BCAS3: variants seen among roughly 807,000 people sequenced by gnomAD.
BCAS3 encodes BCAS4/BCAS3 fusion.
In BCAS3, 53 loss-of-function variants were observed where a neutral mutation model predicts 116.1. The observed-to-expected ratio is 0.46, with a 90% CI of 0.37 to 0.57. The LOEUF (loss-of-function observed/expected upper bound fraction) is 0.57, where lower values mean the gene tolerates loss of function less well. BCAS3 is among the 20% of genes least tolerant of loss of function. The probability of loss-of-function intolerance (pLI) is 0.00; values close to 1 mark genes in which losing one functional copy is unlikely to be tolerated. For missense variants in BCAS3, 917 were observed against 1,165.4 expected, an observed-to-expected ratio of 0.79 and a Z score of 3.10; for synonymous variants, 391 against 408.2, an observed-to-expected ratio of 0.96 and a Z score of 0.51.
At position 61,249,705 on chromosome 17, in the gene BCAS3, A is replaced by C. The variant is rs1421819481; in HGVS notation, c.2426-118622A>C. Among the ~76,000 whole-genome samples, 3 of 151,866 alleles carry C rather than the reference A, an allele frequency of 2.0e-5. No individual in the cohort carries two copies. Among genetic ancestry groups the C allele is most frequent in the Non-Finnish European group, 4.4e-5 (3 of 68,026 alleles). On this transcript the variant is annotated intron_variant, in intron 22 of 23. Transcript: ENST00000407086. The surrounding 1 kb of genome is among the most constrained non-coding windows in gnomAD (Gnocchi z 6.2). ...AGAATTATTTAGAAATACTTGTGAA[A>C]TCATGGTCACAGGAGTTATTTCCAA... is the stretch of plus-strand genomic sequence containing the variant.
intron 14 of BCAS3, among the ~76,000 whole-genome samples, chr17:60,958,974 G>A: frequency 6.6e-6 from 1 of 152,124 alleles, no homozygotes. Flanking sequence ...AGTTATTAGA[G>A]CACCAAAAGA....
chr17:60,797,776 ACGT>A (rs1284968307), intron 6 of BCAS3, among the ~76,000 whole-genome samples: 1 of 152,150 alleles, frequency 6.6e-6, no homozygotes, highest in East Asian at 1.9e-4. Context: ...CAGTGAGAAC[ACGT>A]GGTGTTTTAA....
At position 61,032,026 on chromosome 17, in the gene BCAS3, C is replaced by T. The variant is rs141593471; in HGVS notation, c.1638-2640C>T. On this transcript the variant is annotated intron_variant, in intron 16 of 23. Coordinates refer to ENST00000407086, the MANE Select transcript of BCAS3 (RefSeq NM_017679.5). This position sits in a 1 kb window ranked among gnomAD's most constrained non-coding sequence, Gnocchi z 4.6. ...TGACATGAGCTGATTAGACTCTAAA[C>T]TAGTAAACATACAAAAAATATTTTT... Among the ~76,000 whole-genome samples the T allele has an allele frequency of 8.7e-4, 132 of 152,126 alleles. No homozygotes were observed. The Middle Eastern group carries it at 0.01, about 12-fold the overall frequency.
rs898782246 is a variant in BCAS3, at chr17:61,279,305, C to CT, written c.2426-89011dup. Among the ~76,000 whole-genome samples the CT allele has an allele frequency of 1.2e-3, 171 of 147,026 alleles. No individual in the cohort carries two copies. The highest frequency in any genetic ancestry group is 2.1e-3 in the Admixed American group (31 of 14,660). Reference sequence around the variant, plus strand: ...TTAGGTGAATTATATCTCAATAAATCTTTTTTTTTTTAAGGCAGCCTAGGT... The same window carrying CT: ...TTAGGTGAATTATATCTCAATAAATCTTTTTTTTTTTTAAGGCAGCCTAGGT... On this transcript the variant is annotated intron_variant, in intron 22 of 23. Transcript: ENST00000407086. The surrounding 1 kb of genome is among the most constrained non-coding windows in gnomAD (Gnocchi z 4.4).
chr17:60,961,890 G>A lies in BCAS3; in HGVS notation c.1221+14538G>A, dbSNP rs983746013. ...CTCATCATGCTTATGAACTACAAAA[G>A]GATCAAAGATCCACTTTTGTAGTTC... On this transcript the variant is annotated intron_variant, in intron 14 of 23. Coordinates refer to ENST00000407086, the MANE Select transcript of BCAS3 (RefSeq NM_017679.5). The surrounding 1 kb of genome is among the most constrained non-coding windows in gnomAD (Gnocchi z 4.8). Among the ~76,000 whole-genome samples the A allele has an allele frequency of 1.3e-5, 2 of 151,794 alleles. No individual in the cohort carries two copies. The highest frequency in any genetic ancestry group is 4.8e-5 in the African/African-American group (2 of 41,306).
chr17:61,109,176 C>T (rs1157829583), intron 22 of BCAS3, among the ~76,000 whole-genome samples: 2 of 138,456 alleles, frequency 1.4e-5, no homozygotes, highest in Non-Finnish European at 3.1e-5. Context: ...CAGGGTGAGA[C>T]TTTGTCTCAA....
At chr17:60,804,999 G>T in intron 6 of BCAS3, among the ~76,000 whole-genome samples, 2 of 149,438 alleles carry the variant, frequency 1.3e-5, no homozygotes, top group African/African-American at 2.5e-5. Flanking sequence ...GCACTACCTT[G>T]CACTTTTACT....
intron 9 of BCAS3, among the ~76,000 whole-genome samples, chr17:60,885,813 T>C (rs1465655790): frequency 0.047 from 6,291 of 134,202 alleles, 596 homozygotes; most frequent in African/African-American, 0.21. Context: ...CCGAGAGATC[T>C]GCTGTTAGTC....
chr17:60,917,932 G>A (rs1295056471), intron 12 of BCAS3, among the ~76,000 whole-genome samples: 2 of 152,122 alleles, frequency 1.3e-5, no homozygotes, highest in Non-Finnish European at 2.9e-5. Context: ...GTGAACATTG[G>A]TGTACACATT....
chr17:61,209,209 TA>T (rs2081319417), intron 22 of BCAS3, among the ~76,000 whole-genome samples: 1 of 151,272 alleles, frequency 6.6e-6, no homozygotes, highest in Admixed American at 6.6e-5. Context: ...CTTGTTCTGA[TA>T]ACGTCTTTTC....
chr17:60,993,882 AT>A lies in BCAS3; in HGVS notation c.1486+3654del, dbSNP rs1395951961. 6.6e-6 allele frequency among the ~76,000 whole-genome samples: 1 copy of A among 152,046 alleles called. No individual in the cohort carries two copies. The highest frequency in any genetic ancestry group is 6.6e-5 in the Admixed American group (1 of 15,252). ...TTAGGATTATTTTATCTATTTGCCA[AT>A]TTTTTTAACTTTCCAGAGGATGTTT... On this transcript the variant is annotated intron_variant, in intron 15 of 23. Coordinates refer to ENST00000407086, the MANE Select transcript of BCAS3 (RefSeq NM_017679.5). The surrounding 1 kb of genome is among the most constrained non-coding windows in gnomAD (Gnocchi z 4.2).
chr17:61,168,214 C>G (rs1368243137), intron 22 of BCAS3, among the ~76,000 whole-genome samples: 1 of 151,990 alleles, frequency 6.6e-6, no homozygotes, highest in East Asian at 1.9e-4. Context: ...TTTTTTCTAC[C>G]CTTCCACAAT....
At position 61,256,542 on chromosome 17, in the gene BCAS3, G is replaced by T. The variant is rs972760883; in HGVS notation, c.2426-111785G>T. Among the ~76,000 whole-genome samples, 8 of 152,144 alleles carry T rather than the reference G, an allele frequency of 5.3e-5. No individual in the cohort carries two copies. The highest frequency in any genetic ancestry group is 1.9e-4 in the African/African-American group (8 of 41,438). ...CGGTCTCAAACTCCTGGCCTCAAGT[G>T]ATCCACCCACCTGGGCCTCCCAAAG... is the stretch of plus-strand genomic sequence containing the variant. On this transcript the variant is annotated intron_variant, in intron 22 of 23. Transcript: ENST00000407086. The surrounding 1 kb of genome is among the most constrained non-coding windows in gnomAD (Gnocchi z 5.6).
intron 22 of BCAS3, among the ~76,000 whole-genome samples, chr17:61,252,831 C>G (rs1270400563): frequency 6.6e-6 from 1 of 151,532 alleles, no homozygotes; most frequent in Non-Finnish European, 1.5e-5. Flanking sequence ...GCTGCCCTTT[C>G]TTCCTTGGAT....
In BCAS3 at chr17:61,323,250, C is replaced by T. The variant is rs745720053; in HGVS notation, c.2426-45077C>T. ...CTTTTGTCTAGAGCCCAAACTTCCC[C>T]AGGGGGAAGGACTCATTTATAACCC... On this transcript the variant is annotated intron_variant, in intron 22 of 23. Transcript: ENST00000407086. The surrounding 1 kb of genome is among the most constrained non-coding windows in gnomAD (Gnocchi z 4.6). 2.6e-5 allele frequency among the ~76,000 whole-genome samples: 4 copies of T among 152,110 alleles called. No homozygotes were observed. The highest frequency in any genetic ancestry group is 4.4e-5 in the Non-Finnish European group (3 of 67,998).
At chr17:61,070,589 A>G (rs1010680203) in intron 19 of BCAS3, among the ~76,000 whole-genome samples, 10 of 151,746 alleles carry the variant, frequency 6.6e-5, no homozygotes, top group African/African-American at 2.2e-4. Context: ...AGTACAAACT[A>G]AGAAAATATA....
intron 8 of BCAS3, among the ~76,000 whole-genome samples, 197 bp downstream of exon 8, chr17:60,868,880 G>A (rs957928593): frequency 6.6e-6 from 1 of 152,012 alleles, no homozygotes; most frequent in Non-Finnish European, 1.5e-5. Flanking sequence ...GATCCATTAG[G>A]GAATTGTGAA....
chr17:61,252,146 G>A (rs1429237322), intron 22 of BCAS3, among the ~76,000 whole-genome samples: 4 of 152,144 alleles, frequency 2.6e-5, no homozygotes, highest in African/African-American at 9.7e-5. Flanking sequence ...CAACATAGAG[G>A]GCAGATTACA....
chr17:60,958,298 A>T (rs1325217183), intron 14 of BCAS3, among the ~76,000 whole-genome samples: 2 of 152,256 alleles, frequency 1.3e-5, no homozygotes, highest in Non-Finnish European at 2.9e-5. Flanking sequence ...GAGTAAAACT[A>T]TCTTTTATTC....
Sources: allele counts gnomAD v4.1 joint callset (sites outside exome capture counted in the v4.1 genomes callset), GRCh38; gene constraint gnomAD v4.1.1; non-coding constraint Gnocchi (gnomAD v3.1); transcripts MANE v1.5; gene names NCBI Gene and HGNC (gene_info 2026-07-23, HGNC 2026-07-21).